The following SPDEF variants were observed in gnomAD, a reference collection of about 807,000 sequenced individuals.
SPDEF encodes SAM pointed domain containing ETS transcription factor.
Under a neutral mutation model 36.0 loss-of-function variants are expected in SPDEF, and 12 were observed. That is an observed-to-expected ratio of 0.33 (90% CI 0.21 to 0.54). The LOEUF (loss-of-function observed/expected upper bound fraction) is 0.54, where lower values mean the gene tolerates loss of function less well. SPDEF is among the 20% of genes least tolerant of loss of function. SPDEF has a pLI of 0.93. For missense variants in SPDEF, 388 were observed against 456.9 expected (o/e 0.85, Z 1.37); for synonymous variants, 205 against 193.0 (o/e 1.06, Z -0.51).
In SPDEF at chr6:34,552,615, C is replaced by A. The variant is rs1768085814; in HGVS notation, c.-30+3314G>T. 6.6e-6 allele frequency among the ~76,000 whole-genome samples: 1 copy of A among 152,190 alleles called. No homozygotes were observed. The highest frequency in any genetic ancestry group is 2.1e-4 in the South Asian group (1 of 4,832). ...ACACCTGGTTGTTGGTCTGTAAAAT[C>A]TTGATGGGCTGAAGGGAAAAAACAT... On this transcript the variant is annotated intron_variant, in intron 1 of 5. Coordinates refer to ENST00000374037, the MANE Select transcript of SPDEF (RefSeq NM_012391.3). The surrounding 1 kb of genome is among the most constrained non-coding windows in gnomAD (Gnocchi z 4.6).
In SPDEF at chr6:34,544,261, C is replaced by T; in HGVS notation, c.195G>A (p.Met65Ile). 6.2e-7 allele frequency: 1 copy of T among 1,613,750 alleles called. No homozygotes were observed. The highest frequency in any genetic ancestry group is 8.5e-7 in the Non-Finnish European group (1 of 1,179,952). ...LSAFYLSYFD[M>I]LYPEDSSWAA... The stretch of plus-strand genomic sequence containing the variant: ...CCCAGCTGCTGTCCTCAGGGTACAG[C>T]ATGTCAAAGTAGGAGAGGTAGAAGG... The change falls in exon 2 of 6, where the codon ATG becomes ATA. Residue 65 changes from methionine (M) to isoleucine (I), a missense_variant. By Grantham distance (10) the Met-to-Ile change is conservative (BLOSUM62 1). Coordinates refer to ENST00000374037, the MANE Select transcript of SPDEF (RefSeq NM_012391.3). The surrounding 1 kb of genome is among the most constrained non-coding windows in gnomAD (Gnocchi z 4.4).
chr6:34,539,032 CTAAG>C lies in SPDEF; in HGVS notation c.829+214_829+217del, dbSNP rs1767755057. On this transcript the variant is annotated intron_variant, in intron 5 of 5. Transcript: ENST00000374037. This position sits in a 1 kb window ranked among gnomAD's most constrained non-coding sequence, Gnocchi z 5.2. ...CAGGTGCTGTGCAGTACTAAAACTCCTAAGTGAGACAGAGTCTAGCAGGAGACAG... is the reference window on the plus strand; with the variant it reads ...CAGGTGCTGTGCAGTACTAAAACTCCTGAGACAGAGTCTAGCAGGAGACAG... Among the ~76,000 whole-genome samples, 1 of 152,186 alleles carries C rather than the reference CTAAG, an allele frequency of 6.6e-6. No homozygotes were observed. The highest frequency in any genetic ancestry group is 2.1e-4 in the South Asian group (1 of 4,832).
At chr6:34,545,310 G>A (rs1331025422) in intron 1 of SPDEF, among the ~76,000 whole-genome samples, 1 of 152,246 alleles carries the variant, frequency 6.6e-6, no homozygotes, top group Non-Finnish European at 1.5e-5. Flanking sequence ...GGCTTTCCAG[G>A]AGGAGCCAGG....
intron 2 of SPDEF, 133 bp downstream of exon 2, chr6:34,543,887 C>T: frequency 1.2e-6 from 1 of 816,816 alleles, no homozygotes; most frequent in South Asian, 1.9e-5. Context: ...GTAGAAGTGC[C>T]AGCATCCCCA....
In SPDEF at chr6:34,541,156, A is replaced by G. The variant is rs1767814691; in HGVS notation, c.462T>C (p.Asn154=). The stretch of plus-strand genomic sequence containing the variant: ...CTGTCCACAGGAGCCACTTCTGCAC[A>G]TTGCTGGGGCTCCAGTCCATGGGAT... ...TADPMDWSPS[N]VQKWLLWTEH... Residue 154 remains asparagine (N), a synonymous_variant, in exon 3 of 6, where the codon AAT becomes AAC. Transcript: ENST00000374037. 5 of 1,606,496 alleles carry G rather than the reference A, an allele frequency of 3.1e-6. No individual in the cohort carries two copies. The highest frequency in any genetic ancestry group is 1.7e-4 in the Middle Eastern group (1 of 5,996).
intron 3 of SPDEF, 56 bp downstream of exon 3, chr6:34,540,928 T>A (rs1459381535): frequency 2.0e-6 from 3 of 1,534,184 alleles, no homozygotes; most frequent in Non-Finnish European, 2.7e-6. Context: ...CTAGCCAGCA[T>A]CCTGTCCCTG....
chr6:34,551,636 ACTC>A (rs1282704689), intron 1 of SPDEF, among the ~76,000 whole-genome samples: 1 of 151,980 alleles, frequency 6.6e-6, no homozygotes, highest in African/African-American at 2.4e-5. Flanking sequence ...GCAAAGGCAT[ACTC>A]CATTTACAGC....
rs1410859830 is a variant in SPDEF at position 34,539,979 on chromosome 6, C to T, written c.635-417G>A. On this transcript the variant is annotated intron_variant, in intron 3 of 5. Coordinates refer to ENST00000374037, the MANE Select transcript of SPDEF (RefSeq NM_012391.3). This position sits in a 1 kb window ranked among gnomAD's most constrained non-coding sequence, Gnocchi z 5.2. ...CCCACTGAGATCAAGACAATTTAGA[C>T]ACTCAGGGGCTGACACGCAGCCATT... Among the ~76,000 whole-genome samples the T allele has an allele frequency of 6.6e-6, 1 of 152,146 alleles. No individual in the cohort carries two copies. Among genetic ancestry groups the T allele is most frequent in the Non-Finnish European group, 1.5e-5 (1 of 68,018 alleles).
At position 34,544,177 on chromosome 6, in the gene SPDEF, G is replaced by A. The variant is rs759845648; in HGVS notation, c.279C>T (p.Cys93=). ...REEPPEEPEQ[C]PVIDSQAPAG... ...CTGGGGCTTGGCTGTCAATGACCGG[G>A]CACTGCTCAGGCTCCTCAGGTGGCT... is the stretch of plus-strand genomic sequence containing the variant. Residue 93 remains cysteine, a synonymous_variant, in exon 2 of 6, where the codon TGC becomes TGT. Coordinates refer to ENST00000374037, the MANE Select transcript of SPDEF (RefSeq NM_012391.3). This position sits in a 1 kb window ranked among gnomAD's most constrained non-coding sequence, Gnocchi z 4.4. 1.9e-5 allele frequency: 31 copies of A among 1,613,870 alleles called. No homozygotes were observed. The highest frequency in any genetic ancestry group is 2.6e-5 in the Non-Finnish European group (31 of 1,179,968).
At chr6:34,554,272 G>A (rs1357165409) in intron 1 of SPDEF, among the ~76,000 whole-genome samples, 2 of 152,116 alleles carry the variant, frequency 1.3e-5, no homozygotes, top group Admixed American at 6.5e-5. Flanking sequence ...TACTCACAAC[G>A]ACCTCAGTGG....
chr6:34,553,117 C>T (rs1768098172), intron 1 of SPDEF, among the ~76,000 whole-genome samples: 1 of 152,058 alleles, frequency 6.6e-6, no homozygotes, highest in Non-Finnish European at 1.5e-5. Flanking sequence ...CGGTCCCATC[C>T]GACCCCCAGC....
At position 34,544,490 on chromosome 6, in the gene SPDEF, G is replaced by A; in HGVS notation, c.-29-6C>T. 1 of 1,498,936 alleles carries A rather than the reference G, an allele frequency of 6.7e-7. No individual in the cohort carries two copies. Among genetic ancestry groups the A allele is most frequent in the Non-Finnish European group, 8.9e-7 (1 of 1,127,074 alleles). The allele number at this position is 1,498,936 out of a possible 1,614,324, so 92.9% of individuals were successfully genotyped here. A position where few individuals can be genotyped will look rare whatever the true frequency, so the allele number is the denominator to read the frequency against. On this transcript the variant is annotated splice_region_variant and splice_polypyrimidine_tract_variant and intron_variant, in intron 1 of 5. Transcript: ENST00000374037. This position sits in a 1 kb window ranked among gnomAD's most constrained non-coding sequence, Gnocchi z 4.4. ...GTTTGGGCTGGCGGCTGTGTCTACG[G>A]AAATGAAAGAGGACTCAGGTTTGAC... is the stretch of plus-strand genomic sequence containing the variant.
Position 34,537,905 on chromosome 6 carries a change from G to C in SPDEF, c.*369C>G. The C allele has an allele frequency of 1.9e-5, 4 of 209,440 alleles. No individual in the cohort carries two copies. Among genetic ancestry groups the C allele is most frequent in the Middle Eastern group, 1.8e-3 (1 of 548 alleles). The allele number at this position is 209,440 out of a possible 1,614,324, so 13.0% of individuals were successfully genotyped here. A position where few individuals can be genotyped will look rare whatever the true frequency, so the allele number is the denominator to read the frequency against. ...CACCATGCCAGGTGTGGTGCAGAAT[G>C]GGAGGCAGGGGGATGGAGCAGAGAG... On this transcript the variant is annotated 3_prime_UTR_variant, in exon 6 of 6. Coordinates refer to ENST00000374037, the MANE Select transcript of SPDEF (RefSeq NM_012391.3).
rs372174290 is a variant in SPDEF, at chr6:34,541,009, G to T, written c.609C>A (p.His203Gln). 5 of 1,611,620 alleles carry T rather than the reference G, an allele frequency of 3.1e-6. No homozygotes were observed. Among genetic ancestry groups the T allele is most frequent in the Non-Finnish European group, 4.2e-6 (5 of 1,179,746 alleles). Reference protein sequence around the residue: ...QRSPLGGDVLHAHLDIWKSAA... With the variant: ...QRSPLGGDVLQAHLDIWKSAA... ...CTGACTTCCAGATGTCCAGGTGGGC[G>T]TGCAGCACATCCCCACCCAGGGGCG... Residue 203 changes from histidine to glutamine, a missense_variant, in exon 3 of 6, where the codon CAC becomes CAA. Around this residue, in one of 2 missense-constraint regions of SPDEF, gnomAD observed 308 missense variants for 326.1 expected, o/e 0.94. Transcript: ENST00000374037.
At position 34,555,809 on chromosome 6, in the gene SPDEF, G is replaced by A. The variant is rs1024623015; in HGVS notation, c.-30+120C>T. The A allele has an allele frequency of 6.5e-6, 1 of 152,762 alleles. No individual in the cohort carries two copies. The highest frequency in any genetic ancestry group is 6.5e-5 in the Admixed American group (1 of 15,274). 9.5% of individuals were successfully genotyped at this position (152,762 alleles called of 1,614,324 possible). On this transcript the variant is annotated intron_variant, in intron 1 of 5. Transcript: ENST00000374037. The surrounding 1 kb of genome is among the most constrained non-coding windows in gnomAD (Gnocchi z 5.2). ...CCAGGTCACAGGGTCACTGATGACT[G>A]GGAGATGAGCTCTGAGCTGGCAAAG...
At chr6:34,551,708 T>C (rs1015678393) in intron 1 of SPDEF, among the ~76,000 whole-genome samples, 89 of 152,174 alleles carry the variant, frequency 5.8e-4, no homozygotes, top group African/African-American at 2.1e-3. Flanking sequence ...CTGGAGGCTC[T>C]GAAAGACTCA....
At chr6:34,541,828 C>T (rs1301543054) in intron 2 of SPDEF, among the ~76,000 whole-genome samples, 1 of 152,176 alleles carries the variant, frequency 6.6e-6, no homozygotes, top group African/African-American at 2.4e-5. Flanking sequence ...TTGGCTAGGT[C>T]CTAGATGTCC....
Position 34,538,061 on chromosome 6 carries a change from C to A in SPDEF, c.*213G>T. 9.3e-6 allele frequency: 5 copies of A among 539,268 alleles called. No homozygotes were observed. The allele number at this position is 539,268 out of a possible 1,614,324, so 33.4% of individuals were successfully genotyped here. A position where few individuals can be genotyped will look rare whatever the true frequency, so the allele number is the denominator to read the frequency against. On this transcript the variant is annotated 3_prime_UTR_variant, in exon 6 of 6. Coordinates refer to ENST00000374037, the MANE Select transcript of SPDEF (RefSeq NM_012391.3). The surrounding 1 kb of genome is among the most constrained non-coding windows in gnomAD (Gnocchi z 5.9). Reference sequence around the variant, plus strand: ...TCTGTCCTCCAGGGGAGCAGCTGGGCCTGAGGAGGAAGCACCCCTGCCCCA... The same window carrying A: ...TCTGTCCTCCAGGGGAGCAGCTGGGACTGAGGAGGAAGCACCCCTGCCCCA...
chr6:34,538,238 C>T lies in SPDEF; in HGVS notation c.*36G>A. ...TGAGGCAGGGCAGGCAGGAGAGAGG[C>T]CCCTGAGGGCGGGTTTCAGGCCCTG... On this transcript the variant is annotated 3_prime_UTR_variant, in exon 6 of 6. Transcript: ENST00000374037. This position sits in a 1 kb window ranked among gnomAD's most constrained non-coding sequence, Gnocchi z 5.9. 6.3e-7 allele frequency: 1 copy of T among 1,594,320 alleles called. No homozygotes were observed. Among genetic ancestry groups the T allele is most frequent in the Non-Finnish European group, 8.6e-7 (1 of 1,167,298 alleles).
Sources: gnomAD v4.1 joint callset for allele counts (sites outside exome capture counted in the v4.1 genomes callset) on GRCh38, gnomAD v4.1.1 for gene constraint, gnomAD v4.1.1 regional missense constraint, Gnocchi (gnomAD v3.1) non-coding constraint, MANE v1.5 for transcripts, NCBI Gene and HGNC (gene_info 2026-07-23, HGNC 2026-07-21) for gene names.